Variants in DOP1B observed in about 807,000 individuals in gnomAD.
DOP1B encodes DOP1 leucine zipper like protein B.
Under a neutral mutation model 233.5 loss-of-function variants are expected in DOP1B, and 174 were observed. The ratio of observed to expected loss-of-function variants is 0.75; its 90% CI spans 0.66 to 0.85. The LOEUF (loss-of-function observed/expected upper bound fraction) is 0.85, where lower values mean the gene tolerates loss of function less well. Ranked by LOEUF, DOP1B falls within the 40% of genes least tolerant of loss-of-function variation. The probability of loss-of-function intolerance (pLI) is 0.00; values close to 1 mark genes in which losing one functional copy is unlikely to be tolerated. For missense variants in DOP1B, 2,652 were observed against 2,846.6 expected (o/e 0.93, Z 1.56); for synonymous variants, 1,190 against 1,185.6 (o/e 1.00, Z -0.08).
rs2066754763 is a variant in DOP1B, at chr21:36,230,823, A to C, written c.2039A>C (p.Asn680Thr). Residue 680 changes from asparagine (N) to threonine (T), a missense_variant, in exon 14 of 37, where the codon AAC becomes ACC. By Grantham distance (65) the Asn-to-Thr change is moderately conservative. This residue lies in a region of DOP1B where 2,617 missense variants were observed against 2,794.3 expected (regional missense o/e 0.94). Transcript: ENST00000691173. Reference protein sequence around the residue: ...SLAANDSSRKNSWEPKPITVP... With the variant: ...SLAANDSSRKTSWEPKPITVP... ...GCAGCCAATGATTCCAGCAGGAAGAACTCTTGGGAGCCCAAGCCCATCACT... is the reference window on the plus strand; with the variant it reads ...GCAGCCAATGATTCCAGCAGGAAGACCTCTTGGGAGCCCAAGCCCATCACT... The C allele has an allele frequency of 1.2e-6, 2 of 1,613,782 alleles. No homozygotes were observed. The highest frequency in any genetic ancestry group is 1.7e-6 in the Non-Finnish European group (2 of 1,179,958).
At chr21:36,184,675 G>T (rs562483847) in intron 2 of DOP1B, among the ~76,000 whole-genome samples, 1 of 152,368 alleles carries the variant, frequency 6.6e-6, no homozygotes, top group African/African-American at 2.4e-5. Context: ...CCGGCCTGAG[G>T]CTCTGCGTTC....
chr21:36,200,642 G>A, intron 4 of DOP1B, 141 bp downstream of exon 4: 4 of 1,058,236 alleles, frequency 3.8e-6, no homozygotes, highest in Non-Finnish European at 5.1e-6. Context: ...AGGAGATGGA[G>A]ACCATCCTGG....
rs772275528 is a variant in DOP1B at position 36,219,460 on chromosome 21, T to C, written c.1218T>C (p.Leu406=). The change falls in exon 10 of 37, where the codon CTT becomes CTC. Residue 406 remains leucine, a synonymous_variant. Transcript: ENST00000691173. ...ATGCCCTTGGCTCTGATCTTAAACT[T>C]AGCTACACCCAGAGTGGAAATTCGC... The part of the protein sequence containing the change: ...CRDALGSDLK[L]SYTQSGNSLI... The C allele has an allele frequency of 6.2e-7, 1 of 1,614,200 alleles. No individual in the cohort carries two copies.
intron 24 of DOP1B, among the ~76,000 whole-genome samples, chr21:36,262,817 G>A (rs1178704851): frequency 6.6e-6 from 1 of 152,016 alleles, no homozygotes; most frequent in East Asian, 1.9e-4. Flanking sequence ...CTTAAACCCG[G>A]GGGGCAGAGG....
intron 1 of DOP1B, among the ~76,000 whole-genome samples, chr21:36,158,318 A>G (rs1361963355): frequency 6.6e-6 from 1 of 152,198 alleles, no homozygotes; most frequent in African/African-American, 2.4e-5. Flanking sequence ...CAAAAGAGCT[A>G]TTTGAGAACT....
intron 7 of DOP1B, among the ~76,000 whole-genome samples, chr21:36,212,956 A>G (rs935124419): frequency 3.3e-5 from 5 of 151,942 alleles, no homozygotes; most frequent in Admixed American, 2.0e-4. Context: ...TAATTTTTGT[A>G]TTTTTAGTAG....
intron 18 of DOP1B, among the ~76,000 whole-genome samples, chr21:36,243,666 G>C (rs1449616263): frequency 4.2e-5 from 5 of 118,886 alleles, no homozygotes; most frequent in Non-Finnish European, 8.6e-5. Context: ...TCTGCTGCTT[G>C]ATTTTTTTTT....
chr21:36,205,440 G>A (rs572643469), intron 4 of DOP1B, among the ~76,000 whole-genome samples: 1 of 151,992 alleles, frequency 6.6e-6, no homozygotes, highest in Non-Finnish European at 1.5e-5. Flanking sequence ...CCAGGCTGGA[G>A]TGCAGCGGTG....
intron 24 of DOP1B, chr21:36,262,011 AACAACCAGGCACAG>A: frequency 1.0e-6 from 1 of 971,762 alleles, no homozygotes; most frequent in Non-Finnish European, 1.2e-6. Context: ...AAATAACTCC[AACAACCAGGCACAG>A]GCTCCTTGAT....
chr21:36,262,610 G>A lies in DOP1B; in HGVS notation c.5316-936G>A, dbSNP rs190708418. ...ACTAGAAAGGCCTGAGAGATCAGCCGGGCACGGTGGCTCACGCTTGTAATC... is the reference window on the plus strand; with the variant it reads ...ACTAGAAAGGCCTGAGAGATCAGCCAGGCACGGTGGCTCACGCTTGTAATC... On this transcript the variant is annotated intron_variant, in intron 24 of 36. Coordinates refer to ENST00000691173, the MANE Select transcript of DOP1B (RefSeq NM_001320714.2). Among the ~76,000 whole-genome samples the A allele has an allele frequency of 5.9e-5, 9 of 152,178 alleles. No individual in the cohort carries two copies. In the East Asian group the frequency reaches 1.4e-3, roughly 23 times the overall value.
At chr21:36,189,997 G>A (rs1276552603) in intron 2 of DOP1B, among the ~76,000 whole-genome samples, 40 of 119,670 alleles carry the variant, frequency 3.3e-4, no homozygotes, top group African/African-American at 1.4e-3. Context: ...GTGACAGAGC[G>A]ATACTCCGTC....
chr21:36,178,694 A>G (rs1473118022), intron 2 of DOP1B, among the ~76,000 whole-genome samples: 1 of 152,246 alleles, frequency 6.6e-6, no homozygotes, highest in Non-Finnish European at 1.5e-5. Flanking sequence ...TTCAGAAAAA[A>G]AGCAACTGTT....
intron 27 of DOP1B, among the ~76,000 whole-genome samples, chr21:36,270,531 C>A (rs566999908): frequency 2.0e-5 from 2 of 100,642 alleles, no homozygotes; most frequent in Non-Finnish European, 3.6e-5. Flanking sequence ...CCAGCCCAGG[C>A]GACAAAGCAA....
chr21:36,272,470 C>T lies in DOP1B; in HGVS notation c.5632+2313C>T, dbSNP rs948108795. The stretch of plus-strand genomic sequence containing the variant: ...TTCGAGACTGGCCTGGCCAACTTGG[C>T]GAAACTCCATCTCTACTAAAAATAC... On this transcript the variant is annotated intron_variant, in intron 27 of 36. Transcript: ENST00000691173. 6.0e-5 allele frequency among the ~76,000 whole-genome samples: 9 copies of T among 149,050 alleles called. No homozygotes were observed. The South Asian group carries it at 1.1e-3, about 18-fold the overall frequency.
chr21:36,280,246 A>G, intron 30 of DOP1B, 39 bp from the exon 31 acceptor site: 2 of 1,383,754 alleles, frequency 1.4e-6, no homozygotes, highest in Non-Finnish European at 2.0e-6. Flanking sequence ...ACTATCATCC[A>G]CTGCAAATTT....
chr21:36,263,510 G>C, intron 24 of DOP1B, 36 bp from the exon 25 acceptor site: 2 of 1,557,082 alleles, frequency 1.3e-6, no homozygotes, highest in East Asian at 2.2e-5. Context: ...TGACTTGTTC[G>C]TGGTTGAGTA....
chr21:36,163,462 C>T (rs567135401), intron 1 of DOP1B, among the ~76,000 whole-genome samples: 4 of 152,226 alleles, frequency 2.6e-5, no homozygotes, highest in Admixed American at 1.3e-4. Flanking sequence ...CTGTACTGGC[C>T]TGTAAATGAA....
At chr21:36,256,581 G>T (rs149952507) in intron 23 of DOP1B, among the ~76,000 whole-genome samples, 1 of 152,302 alleles carries the variant, frequency 6.6e-6, no homozygotes, top group African/African-American at 2.4e-5. Context: ...TGTCTCAGTG[G>T]GTGTGCGGAT....
At chr21:36,198,823 G>T (rs928476419) in intron 2 of DOP1B, among the ~76,000 whole-genome samples, 1 of 152,160 alleles carries the variant, frequency 6.6e-6, no homozygotes, top group South Asian at 2.1e-4. Flanking sequence ...CACCCATCAC[G>T]GGCTCAGAGG....
Sources: gnomAD v4.1 joint callset for allele counts (sites outside exome capture counted in the v4.1 genomes callset) on GRCh38, gnomAD v4.1.1 for gene constraint, gnomAD v4.1.1 regional missense constraint, MANE v1.5 for transcripts, NCBI Gene and HGNC (gene_info 2026-07-23, HGNC 2026-07-21) for gene names.